NPAS3: variants seen among roughly 807,000 people sequenced by gnomAD.
NPAS3 encodes the protein neuronal PAS domain protein 3.
NPAS3 carries 14 observed loss-of-function variants against 73.1 expected under a neutral mutation model. That is an observed-to-expected ratio of 0.19 (90% CI 0.13 to 0.30). The LOEUF (loss-of-function observed/expected upper bound fraction) is 0.30, where lower values mean the gene tolerates loss of function less well. Ranked by LOEUF, NPAS3 falls within the 10% of genes least tolerant of loss-of-function variation. The pLI, the probability that NPAS3 is intolerant of heterozygous loss-of-function variation, is 1.00. For synonymous variants in NPAS3, 620 were observed against 541.5 expected (o/e 1.14, Z -2.01); for missense variants, 1,096 against 1,250.0 (o/e 0.88, Z 1.86).
At chr14:33,755,156 G>A (rs1046367823) in intron 7 of NPAS3, among the ~76,000 whole-genome samples, 3 of 152,182 alleles carry the variant, frequency 2.0e-5, no homozygotes, top group Admixed American at 6.5e-5. Flanking sequence ...CTGAAACATC[G>A]TAGAGTTATT....
In NPAS3 at chr14:33,498,694, T is replaced by TG. The variant is rs578074818; in HGVS notation, c.469-61420dup. On this transcript the variant is annotated intron_variant, in intron 4 of 11. Transcript: ENST00000356141. ...TCACATACTGTGGCCTGTTGGGGGATGGGGGGGCTAGGGAAGGGGTTAGGA... is the reference window on the plus strand; with the variant it reads ...TCACATACTGTGGCCTGTTGGGGGATGGGGGGGGCTAGGGAAGGGGTTAGGA... Among the ~76,000 whole-genome samples, 40 of 124,668 alleles carry TG rather than the reference T, an allele frequency of 3.2e-4. No homozygotes were observed. In the East Asian group the frequency reaches 6.4e-3, roughly 20 times the overall value. 81.8% of individuals were successfully genotyped at this position (124,668 alleles called of 152,430 possible). A position where few individuals can be genotyped will look rare whatever the true frequency, so the allele number is the denominator to read the frequency against.
In NPAS3 at chr14:33,732,797, A is replaced by C. The variant is rs181743203; in HGVS notation, c.734-2417A>C. Among the ~76,000 whole-genome samples, 10 of 152,332 alleles carry C rather than the reference A, an allele frequency of 6.6e-5. No homozygotes were observed. The East Asian group carries it at 1.5e-3, about 23-fold the overall frequency. ...TGTATGTTTAGGCAATTACTGTTGC[A>C]ACATGTGGTACGGTGCCATACTCCT... On this transcript the variant is annotated intron_variant, in intron 6 of 11. Coordinates refer to ENST00000356141, the Ensembl canonical transcript of NPAS3.
intron 5 of NPAS3, among the ~76,000 whole-genome samples, chr14:33,650,543 T>C (rs1162923381): frequency 1.3e-5 from 2 of 152,158 alleles, no homozygotes; most frequent in Admixed American, 6.5e-5. Context: ...CATCATACAT[T>C]TGTTGCAAGT....
intron 1 of NPAS3, among the ~76,000 whole-genome samples, chr14:33,020,578 C>T (rs74041763): frequency 1.7e-3 from 257 of 152,236 alleles, no homozygotes; most frequent in African/African-American, 6.0e-3. Context: ...GTTCCTTTCT[C>T]TCCACCCCAT....
intron 1 of NPAS3, among the ~76,000 whole-genome samples, chr14:33,004,927 T>G (rs1033140045): frequency 1.9e-4 from 28 of 150,688 alleles, no homozygotes; most frequent in Non-Finnish European, 2.9e-5. Flanking sequence ...ACCACTGTCT[T>G]CCACCTTCAC....
chr14:33,697,726 A>C (rs190041324), intron 6 of NPAS3, among the ~76,000 whole-genome samples: 293 of 152,356 alleles, frequency 1.9e-3, no homozygotes, highest in Middle Eastern at 6.8e-3. Context: ...AGAATTATAC[A>C]TTCATGTATC....
At chr14:33,065,886 G>C (rs2041260599) in intron 2 of NPAS3, among the ~76,000 whole-genome samples, 1 of 152,064 alleles carries the variant, frequency 6.6e-6, no homozygotes, top group Non-Finnish European at 1.5e-5. Flanking sequence ...CTTGACACTG[G>C]AAGGTATACA....
At chr14:33,160,042 G>A (rs1236408269) in intron 2 of NPAS3, among the ~76,000 whole-genome samples, 2 of 152,032 alleles carry the variant, frequency 1.3e-5, no homozygotes, top group Non-Finnish European at 2.9e-5. Flanking sequence ...TATTATAAAA[G>A]CATTGTAGCT....
chr14:33,417,955 C>T (rs564509528), intron 4 of NPAS3, among the ~76,000 whole-genome samples: 2 of 152,062 alleles, frequency 1.3e-5, no homozygotes, highest in African/African-American at 2.4e-5. Context: ...GATTTTGGTT[C>T]CCCTGGAATT....
chr14:33,060,183 G>A (rs1395369008), intron 2 of NPAS3, among the ~76,000 whole-genome samples: 1 of 152,208 alleles, frequency 6.6e-6, no homozygotes, highest in East Asian at 1.9e-4. Context: ...GAGATAGTGA[G>A]GAAAGATAAG....
intron 3 of NPAS3, among the ~76,000 whole-genome samples, chr14:33,264,314 C>T (rs775213228): frequency 1.3e-5 from 2 of 151,848 alleles, no homozygotes; most frequent in Non-Finnish European, 2.9e-5. Context: ...GGAGATATAC[C>T]TAATGTAAAT....
intron 5 of NPAS3, among the ~76,000 whole-genome samples, chr14:33,563,537 C>CACACACACACACACACACACACACAG: frequency 4.8e-4 from 57 of 119,694 alleles, no homozygotes; most frequent in South Asian, 8.1e-4. Flanking sequence ...CACACACACA[C>CACACACACACACACACACACACACAG]AGAGAGAGAG....
At chr14:33,632,484 CT>C (rs2058406846) in intron 5 of NPAS3, among the ~76,000 whole-genome samples, 1 of 152,188 alleles carries the variant, frequency 6.6e-6, no homozygotes, top group African/African-American at 2.4e-5. Flanking sequence ...AAGTTAACTG[CT>C]GTATTTATAA....
intron 2 of NPAS3, among the ~76,000 whole-genome samples, chr14:33,061,247 T>C (rs1163008034): frequency 1.3e-5 from 2 of 152,230 alleles, no homozygotes; most frequent in Non-Finnish European, 2.9e-5. Flanking sequence ...TTTTGCTGGT[T>C]GTTTAACCTG....
intron 5 of NPAS3, among the ~76,000 whole-genome samples, chr14:33,563,251 A>G (rs1037694517): frequency 6.6e-6 from 1 of 152,032 alleles, no homozygotes; most frequent in Non-Finnish European, 1.5e-5. Flanking sequence ...CTCAGGATAG[A>G]ATTAGGATTC....
chr14:33,276,015 TG>T (rs2041312171), intron 3 of NPAS3, among the ~76,000 whole-genome samples: 1 of 152,106 alleles, frequency 6.6e-6, no homozygotes, highest in Non-Finnish European at 1.5e-5. Flanking sequence ...TTGACCCTAC[TG>T]GGGTACTCTA....
chr14:33,488,236 G>T (rs1005306293), intron 4 of NPAS3, among the ~76,000 whole-genome samples: 1 of 152,038 alleles, frequency 6.6e-6, no homozygotes, highest in Non-Finnish European at 1.5e-5. Flanking sequence ...AGATGCTAGA[G>T]GTTTTAGGAA....
rs548594317 is a variant in NPAS3 at position 33,335,126 on chromosome 14, T to C, written c.386-32060T>C. Among the ~76,000 whole-genome samples, 8 of 152,178 alleles carry C rather than the reference T, an allele frequency of 5.3e-5. No homozygotes were observed. The South Asian group carries it at 1.5e-3, about 28-fold the overall frequency. On this transcript the variant is annotated intron_variant, in intron 3 of 11. Transcript: ENST00000356141. ...GATGGGCACTTGGGCTGGTTCCATG[T>C]TTTTGCAATTGCAAATTGTGCTGCT... is the stretch of plus-strand genomic sequence containing the variant.
intron 4 of NPAS3, among the ~76,000 whole-genome samples, chr14:33,444,921 C>T (rs941646194): frequency 6.6e-6 from 1 of 152,244 alleles, no homozygotes; most frequent in Non-Finnish European, 1.5e-5. Flanking sequence ...CATTCTGCTA[C>T]CCAATTTAAT....
Sources: gnomAD v4.1 joint callset for allele counts (sites outside exome capture counted in the v4.1 genomes callset) on GRCh38, gnomAD v4.1.1 for gene constraint, MANE v1.5 for transcripts, NCBI Gene and HGNC (gene_info 2026-07-23, HGNC 2026-07-21) for gene names.